Variants in FBXO11 observed in about 807,000 individuals in gnomAD.
The protein encoded by FBXO11 is F-box only protein 11.
FBXO11 carries 13 observed loss-of-function variants against 117.0 expected under a neutral mutation model. The ratio of observed to expected loss-of-function variants is 0.11; its 90% CI spans 0.07 to 0.18. The LOEUF is 0.18. Ranked by LOEUF, FBXO11 falls within the 10% of genes least tolerant of loss-of-function variation. FBXO11 has a pLI of 1.00. For synonymous variants in FBXO11, 490 were observed against 380.5 expected (o/e 1.29, Z -3.35); for missense variants, 767 against 1,164.4 (o/e 0.66, Z 4.97).
chr2:47,871,051 T>C (rs1675588559), intron 1 of FBXO11, among the ~76,000 whole-genome samples: 1 of 152,090 alleles, frequency 6.6e-6, no homozygotes, highest in South Asian at 2.1e-4. Context: ...ATACTCCTCT[T>C]CCTTGAGTAT....
intron 11 of FBXO11, among the ~76,000 whole-genome samples, chr2:47,824,260 G>A (rs1394987914): frequency 6.6e-6 from 1 of 152,164 alleles, no homozygotes; most frequent in Non-Finnish European, 1.5e-5. Flanking sequence ...GACCGAGCAG[G>A]GAGGACTGCT....
intron 12 of FBXO11, 55 bp downstream of exon 12, chr2:47,823,088 T>C (rs189428901): frequency 7.5e-7 from 1 of 1,326,016 alleles, no homozygotes; most frequent in Non-Finnish European, 1.0e-6. Flanking sequence ...ATCTTGACTT[T>C]TAAGCAAACC....
At chr2:47,877,595 T>A (rs983331724) in intron 1 of FBXO11, among the ~76,000 whole-genome samples, 1 of 152,158 alleles carries the variant, frequency 6.6e-6, no homozygotes, top group South Asian at 2.1e-4. Context: ...ATGGTGTGTG[T>A]GTATCTTTGT....
intron 1 of FBXO11, among the ~76,000 whole-genome samples, chr2:47,851,105 A>G (rs1285494894): frequency 6.6e-6 from 1 of 152,234 alleles, no homozygotes; most frequent in Non-Finnish European, 1.5e-5. Flanking sequence ...TGATATGGCC[A>G]GAGTTATCAA....
At chr2:47,887,628 A>C (rs1676959735) in intron 1 of FBXO11, among the ~76,000 whole-genome samples, 1 of 152,104 alleles carries the variant, frequency 6.6e-6, no homozygotes, top group Non-Finnish European at 1.5e-5. Context: ...TGTGAGGCTG[A>C]GGTGGGCGAA....
chr2:47,865,715 TAAG>T (rs1675144666), intron 1 of FBXO11: 1 of 152,170 alleles, frequency 6.6e-6, no homozygotes, highest in South Asian at 2.1e-4. Context: ...TAAATAAATT[TAAG>T]ACACTGGTGG....
At chr2:47,869,653 G>T (rs1675469363) in intron 1 of FBXO11, among the ~76,000 whole-genome samples, 1 of 152,170 alleles carries the variant, frequency 6.6e-6, no homozygotes, top group Non-Finnish European at 1.5e-5. Context: ...GTACAGAATG[G>T]GTAGTGGTAG....
At chr2:47,813,053 G>C in intron 18 of FBXO11, 181 bp downstream of exon 18, 1 of 647,136 alleles carries the variant, frequency 1.5e-6, no homozygotes, top group Non-Finnish European at 2.7e-6. Context: ...AAAAGGAAAA[G>C]TATTGTAAAC....
chr2:47,855,302 G>A (rs1674199487), intron 1 of FBXO11, among the ~76,000 whole-genome samples: 1 of 151,916 alleles, frequency 6.6e-6, no homozygotes, highest in African/African-American at 2.4e-5. Flanking sequence ...TGGAGCTCAA[G>A]TGATCCTCCC....
chr2:47,833,104 T>A (rs1672306480), intron 7 of FBXO11, 34 bp from the exon 8 acceptor site: 1 of 1,442,456 alleles, frequency 6.9e-7, no homozygotes, highest in African/African-American at 1.4e-5. Context: ...ATATTACCTT[T>A]ATTCGATTTC....
chr2:47,845,899 A>C (rs1383302751), intron 1 of FBXO11, among the ~76,000 whole-genome samples: 1 of 151,726 alleles, frequency 6.6e-6, no homozygotes, highest in African/African-American at 2.4e-5. Context: ...AAAAAAAAAA[A>C]CCAAACAAGA....
chr2:47,816,668 G>A (rs1293129584), intron 16 of FBXO11, among the ~76,000 whole-genome samples: 1 of 152,194 alleles, frequency 6.6e-6, no homozygotes, highest in African/African-American at 2.4e-5. Context: ...GATGGATGCT[G>A]TATTAGCAGG....
At chr2:47,874,389 C>A (rs1352972630) in intron 1 of FBXO11, among the ~76,000 whole-genome samples, 1 of 151,952 alleles carries the variant, frequency 6.6e-6, no homozygotes. Flanking sequence ...CCAAAGGATG[C>A]CTTAAAAATT....
At chr2:47,820,271 G>T in intron 14 of FBXO11, 91 bp downstream of exon 14, 2 of 853,956 alleles carry the variant, frequency 2.3e-6, no homozygotes, top group South Asian at 2.1e-5. Context: ...CTCAAAAGTT[G>T]AATATGGCCT....
At chr2:47,817,708 G>A (rs1198812445) in intron 16 of FBXO11, among the ~76,000 whole-genome samples, 1 of 152,212 alleles carries the variant, frequency 6.6e-6, no homozygotes. Context: ...TTGTGTCTCA[G>A]GCAATAGGGA....
At chr2:47,867,982 T>C (rs569651290) in intron 1 of FBXO11, among the ~76,000 whole-genome samples, 160 of 152,250 alleles carry the variant, frequency 1.1e-3, no homozygotes, top group African/African-American at 3.6e-3. Context: ...TATACTTAAA[T>C]GCCTGAAGAT....
intron 1 of FBXO11, among the ~76,000 whole-genome samples, chr2:47,843,231 C>A (rs745808783): frequency 1.3e-5 from 2 of 152,110 alleles, no homozygotes; most frequent in Non-Finnish European, 2.9e-5. Flanking sequence ...CAGTAAACGT[C>A]CTATGTGTGC....
At chr2:47,889,444 T>A (rs576473428) in intron 1 of FBXO11, among the ~76,000 whole-genome samples, 3 of 152,312 alleles carry the variant, frequency 2.0e-5, no homozygotes, top group African/African-American at 7.2e-5. Flanking sequence ...GGAAAACACT[T>A]GTTTTCTCTT....
chr2:47,898,424 A>T (rs1201266404), intron 1 of FBXO11, among the ~76,000 whole-genome samples: 1 of 152,214 alleles, frequency 6.6e-6, no homozygotes, highest in Non-Finnish European at 1.5e-5. Flanking sequence ...CAAAATTACC[A>T]CTGAAATCTA....
Sources: allele counts gnomAD v4.1 joint callset (sites outside exome capture counted in the v4.1 genomes callset), GRCh38; gene constraint gnomAD v4.1.1; transcripts MANE v1.5; gene names NCBI Gene and HGNC (gene_info 2026-07-23, HGNC 2026-07-21).